The following CEP83 variants were observed in gnomAD, a reference collection of about 807,000 sequenced individuals.
CEP83 encodes the protein centrosomal protein 83, also known as centrosomal protein of 83 kDa.
A neutral mutation model predicts 101.9 loss-of-function variants in CEP83; 70 were observed. That is an observed-to-expected ratio of 0.69 (90% CI 0.57 to 0.84). CEP83 has a LOEUF of 0.84. Ranked by LOEUF, CEP83 falls within the 40% of genes least tolerant of loss-of-function variation. The pLI, the probability that CEP83 is intolerant of heterozygous loss-of-function variation, is 0.00. For missense variants in CEP83, 715 were observed against 787.2 expected (o/e 0.91, Z 1.10); for synonymous variants, 264 against 267.9 (o/e 0.99, Z 0.14).
the CEP83 span, among the ~76,000 whole-genome samples, chr12:94,275,783 A>AGC: frequency 2.5e-5 from 2 of 78,852 alleles, 1 homozygote; most frequent in Non-Finnish European, 4.8e-5. Context: ...TGAACCCGGG[A>AGC]GGCGGAGCTT....
upstream of CEP83, chr12:94,459,937 G>C (rs1404819388): frequency 7.2e-5 from 11 of 152,474 alleles, no homozygotes; most frequent in Admixed American, 7.2e-4. Flanking sequence ...CAGCCTGGAG[G>C]AGCGGGCTCT....
chr12:94,445,055 T>G (rs2066697896), intron 1 of CEP83, among the ~76,000 whole-genome samples: 1 of 152,046 alleles, frequency 6.6e-6, no homozygotes, highest in African/African-American at 2.4e-5. Context: ...AGAACAAAGT[T>G]AGAAGACTTG....
the CEP83 span, among the ~76,000 whole-genome samples, chr12:94,285,774 C>T: frequency 6.6e-6 from 1 of 152,168 alleles, no homozygotes; most frequent in Non-Finnish European, 1.5e-5. Context: ...CAGCACCTCT[C>T]CCTGTGTCTG....
chr12:94,358,408 A>C (rs2060582264), intron 11 of CEP83, among the ~76,000 whole-genome samples: 1 of 152,216 alleles, frequency 6.6e-6, no homozygotes, highest in Non-Finnish European at 1.5e-5. Context: ...AGTTCCCGCC[A>C]AACATTAGGG....
intron 1 of CEP83, among the ~76,000 whole-genome samples, chr12:94,453,594 C>T (rs951577640): frequency 1.3e-5 from 2 of 152,172 alleles, no homozygotes; most frequent in Non-Finnish European, 2.9e-5. Context: ...TCCCCAGTGC[C>T]TAGCATAGCA....
intron 14 of CEP83, among the ~76,000 whole-genome samples, chr12:94,329,076 C>T (rs1321014676): frequency 1.3e-5 from 2 of 152,184 alleles, no homozygotes; most frequent in Admixed American, 6.5e-5. Flanking sequence ...AGGTCATAAT[C>T]ATTCACTGAA....
chr12:94,430,512 A>C (rs2065538990), intron 2 of CEP83, among the ~76,000 whole-genome samples: 1 of 152,022 alleles, frequency 6.6e-6, no homozygotes, highest in African/African-American at 2.4e-5. Context: ...AACAGACTAG[A>C]TCAAGCAGAA....
rs143888045 is a variant in CEP83, at chr12:94,439,411, C to T, written c.-154-4084G>A. Among the ~76,000 whole-genome samples the T allele has an allele frequency of 2.2e-3, 328 of 152,062 alleles. 1 individual carries two copies. The highest frequency in any genetic ancestry group is 7.4e-3 in the African/African-American group (308 of 41,516). ...TGGCTACTATGAACATCTTTATGCA[C>T]ACAAACTAGAAAACCTAGAGGAGAT... On this transcript the variant is annotated intron_variant, in intron 1 of 16. Coordinates refer to ENST00000397809, the MANE Select transcript of CEP83 (RefSeq NM_016122.3).
At chr12:94,402,400 T>C (rs945544223) in intron 5 of CEP83, 3 of 151,842 alleles carry the variant, frequency 2.0e-5, no homozygotes, top group Non-Finnish European at 2.9e-5. Context: ...GTAGAAGGTA[T>C]GTATACCAGA....
chr12:94,279,643 G>T, the CEP83 span: 1 of 1,614,106 alleles, frequency 6.2e-7, no homozygotes, highest in Admixed American at 1.7e-5. Context: ...TAATGAAATT[G>T]GTCTTGGTAA....
intron 11 of CEP83, among the ~76,000 whole-genome samples, chr12:94,353,424 CAGAT>C (rs2060293806): frequency 6.6e-6 from 1 of 152,046 alleles, no homozygotes. Flanking sequence ...ACTAGTAGAG[CAGAT>C]AGATATACAA....
At chr12:94,328,348 C>A in intron 14 of CEP83, 2 of 266,300 alleles carry the variant, frequency 7.5e-6, no homozygotes, top group Admixed American at 4.8e-5. Flanking sequence ...ATCATTTACA[C>A]CAAAGACTAC....
At chr12:94,392,588 G>T (rs2062618733) in intron 6 of CEP83, among the ~76,000 whole-genome samples, 1 of 152,014 alleles carries the variant, frequency 6.6e-6, no homozygotes, top group South Asian at 2.1e-4. Flanking sequence ...AACTAGAGAA[G>T]CAAGAGCAAA....
chr12:94,332,851 T>A (rs2059282342), intron 13 of CEP83, among the ~76,000 whole-genome samples: 1 of 151,972 alleles, frequency 6.6e-6, no homozygotes, highest in Admixed American at 6.6e-5. Context: ...AAAAGAATAA[T>A]GTTTTGTAGA....
At chr12:94,273,920 G>A in the CEP83 span, among the ~76,000 whole-genome samples, 1 of 152,024 alleles carries the variant, frequency 6.6e-6, no homozygotes, top group Non-Finnish European at 1.5e-5. Flanking sequence ...CCTACATTCC[G>A]TGGTGTCAGA....
chr12:94,386,999 A>G (rs1201706683), intron 6 of CEP83, among the ~76,000 whole-genome samples: 1 of 152,204 alleles, frequency 6.6e-6, no homozygotes, highest in Non-Finnish European at 1.5e-5. Flanking sequence ...ACAAAAACAA[A>G]CAATGGGGAA....
chr12:94,346,647 A>G (rs2059945505), intron 11 of CEP83, among the ~76,000 whole-genome samples: 1 of 152,192 alleles, frequency 6.6e-6, no homozygotes, highest in African/African-American at 2.4e-5. Flanking sequence ...CCAAGCCTTC[A>G]ACCCGCAGGA....
chr12:94,372,216 TC>T (rs1445252424), intron 8 of CEP83, among the ~76,000 whole-genome samples: 7 of 151,986 alleles, frequency 4.6e-5, no homozygotes, highest in African/African-American at 7.2e-5. Flanking sequence ...TCGTGATCCA[TC>T]CGCCTCGGCC....
chr12:94,399,107 G>C (rs1361968336), intron 6 of CEP83, among the ~76,000 whole-genome samples: 2 of 152,086 alleles, frequency 1.3e-5, no homozygotes, highest in African/African-American at 4.8e-5. Context: ...TTTGCCTTTT[G>C]ATCTTTGTTC....
Sources: gnomAD v4.1 joint callset for allele counts (sites outside exome capture counted in the v4.1 genomes callset) on GRCh38, gnomAD v4.1.1 for gene constraint, MANE v1.5 for transcripts, NCBI Gene and HGNC (gene_info 2026-07-23, HGNC 2026-07-21) for gene names.